Variants in SLC25A33 observed in about 807,000 individuals in gnomAD.
The protein encoded by SLC25A33 is bone marrow stromal cell mitochondrial carrier protein.
In SLC25A33, 15 loss-of-function variants were observed where a neutral mutation model predicts 35.5. The observed-to-expected ratio is 0.42, with a 90% CI of 0.28 to 0.65. SLC25A33 has a LOEUF of 0.65. SLC25A33 is among the 30% of genes least tolerant of loss of function. The pLI is 0.20. For missense variants in SLC25A33, 257 were observed against 398.5 expected, an observed-to-expected ratio of 0.64 and a Z score of 3.02; for synonymous variants, 136 against 148.7, an observed-to-expected ratio of 0.91 and a Z score of 0.62.
At chr1:9,560,972 C>G (rs1643415772) in intron 2 of SLC25A33, among the ~76,000 whole-genome samples, 2 of 140,310 alleles carry the variant, frequency 1.4e-5, no homozygotes, top group South Asian at 4.4e-4. Flanking sequence ...TTTTTTGAGG[C>G]AGAGTCTTGC....
At chr1:9,566,079 G>A (rs943045280) in intron 2 of SLC25A33, among the ~76,000 whole-genome samples, 2 of 151,568 alleles carry the variant, frequency 1.3e-5, no homozygotes, top group Non-Finnish European at 2.9e-5. Context: ...TCTTTCTGTC[G>A]CTAAAGCTGG....
intron 2 of SLC25A33, among the ~76,000 whole-genome samples, chr1:9,564,740 AT>A (rs368919184): frequency 0.3 from 28,080 of 93,070 alleles, 3,721 homozygotes; most frequent in South Asian, 0.38. Flanking sequence ...AAAAAAAAAA[AT>A]ATATATATAT....
At chr1:9,580,438 T>C (rs1481737544) in intron 6 of SLC25A33, among the ~76,000 whole-genome samples, 2 of 152,264 alleles carry the variant, frequency 1.3e-5, no homozygotes, top group Non-Finnish European at 2.9e-5. Context: ...CAGCTGATTA[T>C]AGCCAAAACT....
In SLC25A33 at chr1:9,549,130, G is replaced by C. The variant is rs570713553; in HGVS notation, c.57-4496G>C. Among the ~76,000 whole-genome samples the C allele has an allele frequency of 7.2e-5, 11 of 152,264 alleles. No individual in the cohort carries two copies. The East Asian group carries it at 2.1e-3, about 29-fold the overall frequency. On this transcript the variant is annotated intron_variant, in intron 1 of 6. Transcript: ENST00000302692. ...TTGGCCCAAGCCAGCAGGATGAGAAGGGACTGGGTGGTATGCTTGGGAAGG... is the reference window on the plus strand; with the variant it reads ...TTGGCCCAAGCCAGCAGGATGAGAACGGACTGGGTGGTATGCTTGGGAAGG...
chr1:9,568,468 A>G (rs1643541504), intron 3 of SLC25A33, among the ~76,000 whole-genome samples: 1 of 152,032 alleles, frequency 6.6e-6, no homozygotes, highest in Non-Finnish European at 1.5e-5. Flanking sequence ...AAACAAAACA[A>G]AAAAACTTCT....
chr1:9,570,649 G>C (rs1643575465), intron 4 of SLC25A33, among the ~76,000 whole-genome samples: 1 of 145,706 alleles, frequency 6.9e-6, no homozygotes, highest in Admixed American at 6.9e-5. Context: ...CATGTCTTCT[G>C]TTTGCCCATC....
At chr1:9,577,484 A>C (rs184673147) in intron 5 of SLC25A33, among the ~76,000 whole-genome samples, 95 of 152,288 alleles carry the variant, frequency 6.2e-4, no homozygotes, top group African/African-American at 2.2e-3. Context: ...ATCTCAAAAA[A>C]ATGAAAAAAG....
At chr1:9,551,925 A>G (rs1038332117) in intron 1 of SLC25A33, among the ~76,000 whole-genome samples, 2 of 152,174 alleles carry the variant, frequency 1.3e-5, no homozygotes, top group Non-Finnish European at 2.9e-5. Context: ...GGATGTGTCT[A>G]TGGCCCTTGA....
chr1:9,577,751 A>C (rs1046166277), intron 5 of SLC25A33, among the ~76,000 whole-genome samples: 1 of 152,142 alleles, frequency 6.6e-6, no homozygotes, highest in Non-Finnish European at 1.5e-5. Flanking sequence ...GACATTCAGC[A>C]TTTAAGTTTG....
chr1:9,553,809 A>G lies in SLC25A33; in HGVS notation c.236+4A>G. ...CTGGACTCTTTCAGGTTCTGAAGTA[A>G]GTTCAGTCTTGTCTGCTCCTGCCAC... On this transcript the variant is annotated splice_donor_region_variant and intron_variant, in intron 2 of 6. Transcript: ENST00000302692. The G allele has an allele frequency of 2.5e-6, 4 of 1,612,416 alleles. No homozygotes were observed. The highest frequency in any genetic ancestry group is 1.7e-4 in the Middle Eastern group (1 of 6,060).
intron 1 of SLC25A33, 62 bp downstream of exon 1, chr1:9,539,809 G>T: frequency 7.9e-7 from 1 of 1,266,294 alleles, no homozygotes; most frequent in South Asian, 2.6e-5. Flanking sequence ...CCTTCGCCCC[G>T]GGCGCGGCCC....
At chr1:9,576,696 G>A (rs1010230467) in intron 5 of SLC25A33, 20 of 673,648 alleles carry the variant, frequency 3.0e-5, no homozygotes, top group African/African-American at 1.3e-4. Flanking sequence ...TGAGGTCTGC[G>A]TATGCTCACT....
chr1:9,567,857 G>A (rs1011234163), intron 3 of SLC25A33, among the ~76,000 whole-genome samples: 2 of 152,208 alleles, frequency 1.3e-5, no homozygotes, highest in African/African-American at 4.8e-5. Context: ...CTGAAAGCCT[G>A]TTTGAAATAT....
intron 2 of SLC25A33, among the ~76,000 whole-genome samples, chr1:9,564,739 A>AAAAAAAAAATATAT (rs60174872): frequency 1.0e-5 from 1 of 96,584 alleles, no homozygotes; most frequent in African/African-American, 4.4e-5. Context: ...AAAAAAAAAA[A>AAAAAAAAAATATAT]ATATATATAT....
chr1:9,552,206 T>C (rs1451588671), intron 1 of SLC25A33, among the ~76,000 whole-genome samples: 2 of 152,196 alleles, frequency 1.3e-5, no homozygotes, highest in East Asian at 1.9e-4. Context: ...GACTTCATTG[T>C]TGAAGGTGAT....
intron 2 of SLC25A33, among the ~76,000 whole-genome samples, chr1:9,555,164 C>T (rs907179892): frequency 6.0e-5 from 8 of 132,830 alleles, no homozygotes; most frequent in Admixed American, 1.7e-4. Context: ...GTCGCCCAGG[C>T]TGGAGTGCAG....
At chr1:9,564,319 AGGC>A (rs1163777714) in intron 2 of SLC25A33, among the ~76,000 whole-genome samples, 1 of 152,178 alleles carries the variant, frequency 6.6e-6, no homozygotes, top group Non-Finnish European at 1.5e-5. Flanking sequence ...TTTACATTGC[AGGC>A]GGGAATGTAA....
rs1292708985 is a variant in SLC25A33, at chr1:9,550,007, A to ATG, written c.57-3618_57-3617insGT. Among the ~76,000 whole-genome samples, 139 of 55,192 alleles carry ATG rather than the reference A, an allele frequency of 2.5e-3. 2 individuals carry two copies. Among genetic ancestry groups the ATG allele is most frequent in the African/African-American group, 9.7e-3 (134 of 13,820 alleles). The allele number at this position is 55,192 out of a possible 152,430, so 36.2% of individuals were successfully genotyped here. ...ATATTTTTTCTATACATATATATATATATATTTTTTTTTTTTTTTTTTTTT... is the reference window on the plus strand; with the variant it reads ...ATATTTTTTCTATACATATATATATATGTATATTTTTTTTTTTTTTTTTTTTT... On this transcript the variant is annotated intron_variant, in intron 1 of 6. Coordinates refer to ENST00000302692, the MANE Select transcript of SLC25A33 (RefSeq NM_032315.3).
intron 1 of SLC25A33, among the ~76,000 whole-genome samples, chr1:9,546,686 A>G (rs1643175463): frequency 6.6e-6 from 1 of 152,040 alleles, no homozygotes; most frequent in Non-Finnish European, 1.5e-5. Flanking sequence ...ATTTTTTTTG[A>G]CTAGGCTCAT....
Sources: allele counts gnomAD v4.1 joint callset (sites outside exome capture counted in the v4.1 genomes callset), GRCh38; gene constraint gnomAD v4.1.1; transcripts MANE v1.5; gene names NCBI Gene and HGNC (gene_info 2026-07-23, HGNC 2026-07-21).